Variants in PKD1 observed in about 807,000 individuals in gnomAD.
PKD1 encodes the protein polycystin 1, transient receptor potential channel interacting, also known as polycystin-1.
PKD1 carries 81 observed loss-of-function variants against 361.7 expected under a neutral mutation model. The observed-to-expected ratio is 0.22, with a 90% CI of 0.19 to 0.27. PKD1 has a LOEUF of 0.27. PKD1 is among the 10% of genes least tolerant of loss of function. The pLI is 1.00. For synonymous variants in PKD1, 3,615 were observed against 2,818.3 expected (o/e 1.28, Z -8.95); for missense variants, 6,399 against 6,118.3 (o/e 1.05, Z -1.53).
intron 34 of PKD1, among the ~76,000 whole-genome samples, 198 bp from the exon 35 acceptor site, chr16:2,094,408 G>A (rs1006188189): frequency 2.0e-5 from 3 of 152,210 alleles, no homozygotes; most frequent in African/African-American, 4.8e-5. Context: ...TCCAGGCACC[G>A]AAGTCAGGCG....
In PKD1 at chr16:2,090,968, G is replaced by T; in HGVS notation, c.11919C>A (p.Arg3973=). The T allele has an allele frequency of 6.5e-7, 1 of 1,543,018 alleles. No individual in the cohort carries two copies. Among genetic ancestry groups the T allele is most frequent in the Non-Finnish European group, 8.7e-7 (1 of 1,150,480 alleles). Residue 3973 remains arginine, a synonymous_variant, in exon 43 of 46, where the codon CGC becomes CGA. Transcript: ENST00000262304. The stretch of plus-strand genomic sequence containing the variant: ...GCGCCACCTGGTCGAAGCTAGTGAA[G>T]CGGCGCGGGCGGCCGCGCACGAAAC... ...WTRFVRGRPR[R]FTSFDQVAQL...
At position 2,092,595 on chromosome 16, in the gene PKD1, G is replaced by A. The variant is rs1397224761; in HGVS notation, c.11157-3C>T. 1.9e-6 allele frequency: 3 copies of A among 1,596,998 alleles called. No individual in the cohort carries two copies. Among genetic ancestry groups the A allele is most frequent in the African/African-American group, 1.3e-5 (1 of 74,626 alleles). ...TCCATGGCCAGAGCTCCTCAGACCT[G>A]CCACAGCATCAGTCACACGCTCCAG... On this transcript the variant is annotated splice_polypyrimidine_tract_variant and splice_region_variant and intron_variant, in intron 38 of 45. Coordinates refer to ENST00000262304, the MANE Select transcript of PKD1 (RefSeq NM_001009944.3).
intron 34 of PKD1, among the ~76,000 whole-genome samples, chr16:2,096,256 T>C (rs1402159062): frequency 6.6e-6 from 1 of 152,254 alleles, no homozygotes; most frequent in Non-Finnish European, 1.5e-5. Flanking sequence ...GTGTGGCCTG[T>C]GGCTCCGGGG....
rs1257443995 is a variant in PKD1 at position 2,115,536 on chromosome 16, A to C, written c.1939T>G (p.Cys647Gly). 1 of 1,591,460 alleles carries C rather than the reference A, an allele frequency of 6.3e-7. No homozygotes were observed. Among genetic ancestry groups the C allele is most frequent in the Non-Finnish European group, 8.6e-7 (1 of 1,167,754 alleles). The change falls in exon 10 of 46, where the codon TGC becomes GGC. Residue 647 changes from cysteine to glycine, a missense_variant. Coordinates refer to ENST00000262304, the MANE Select transcript of PKD1 (RefSeq NM_001009944.3). ...APACMPGGRW[C>G]PGANICLPLD... ...GGCAAGCAGATGTTGGCTCCAGGGC[A>C]CCAGCGTCCCCCTGGCATGCACGCG...
chr16:2,093,721 C>T lies in PKD1; in HGVS notation c.10839G>A (p.Leu3613=), dbSNP rs368854514. Residue 3613 remains leucine, a synonymous_variant, in exon 37 of 46, where the codon CTG becomes CTA. Coordinates refer to ENST00000262304, the MANE Select transcript of PKD1 (RefSeq NM_001009944.3). ...WEPLKVLLEA[L]YFSLVAKRLH... ...GCCGCTTGGCCACCAGTGAGAAGTA[C>T]AGGGCTTCCAGCAAGACCTGGGGAG... The T allele has an allele frequency of 2.5e-6, 4 of 1,588,910 alleles. No homozygotes were observed. In the South Asian group the frequency reaches 4.5e-5, roughly 18 times the overall value.
In PKD1 at chr16:2,093,639, C is replaced by T. The variant is rs751281167; in HGVS notation, c.10921G>A (p.Ala3641Thr). The change falls in exon 37 of 46, where the codon GCA (alanine) becomes ACA (threonine). Residue 3641 changes from alanine to threonine, a missense_variant. Transcript: ENST00000262304. ...VESPAVTPVS[A>T]RVPRVRPPHG... ...GGTGGCCGTACGCGGGGCACACGTG[C>T]GCTCACAGGCGTCACAGCCGGGCTC... is the stretch of plus-strand genomic sequence containing the variant. 2.4e-5 allele frequency: 39 copies of T among 1,609,102 alleles called. 1 individual carries two copies. In the South Asian group the frequency reaches 3.1e-4, roughly 13 times the overall value.
In PKD1 at chr16:2,106,922, G is replaced by A. The variant is rs553952931; in HGVS notation, c.7092C>T (p.Pro2364=). 6 of 1,575,752 alleles carry A rather than the reference G, an allele frequency of 3.8e-6. 1 individual carries two copies. The Admixed American group carries it at 6.7e-5, about 18-fold the overall frequency. The part of the protein sequence containing the change: ...QTVLIRSGRV[P]IVSLECVSCK... Reference sequence around the variant, plus strand: ...AGGACACACACTCCAAGGACACAATGGGCACCCGGCCACTCCGGATCAGCA... The same window carrying A: ...AGGACACACACTCCAAGGACACAATAGGCACCCGGCCACTCCGGATCAGCA... Residue 2364 remains proline (P), a synonymous_variant, in exon 17 of 46, where the codon CCC becomes CCT. Coordinates refer to ENST00000262304, the MANE Select transcript of PKD1 (RefSeq NM_001009944.3). This position sits in a 1 kb window ranked among gnomAD's most constrained non-coding sequence, Gnocchi z 6.5.
chr16:2,127,882 G>A (rs924300972), intron 1 of PKD1, among the ~76,000 whole-genome samples: 1 of 142,914 alleles, frequency 7.0e-6, no homozygotes, highest in African/African-American at 2.6e-5. Context: ...CTAGAGAGAA[G>A]GGACACAGCA....
At position 2,112,830 on chromosome 16, in the gene PKD1, G is replaced by A. The variant is rs770922229; in HGVS notation, c.3119C>T (p.Thr1040Met). The A allele has an allele frequency of 6.9e-6, 11 of 1,602,364 alleles. No homozygotes were observed. Among genetic ancestry groups the A allele is most frequent in the East Asian group, 2.2e-5 (1 of 44,898 alleles). Residue 1040 changes from threonine (T) to methionine (M), a missense_variant, in exon 13 of 46, where the codon ACG becomes ATG. Thr to Met is a moderately conservative substitution (Grantham distance 81, BLOSUM62 -1). Transcript: ENST00000262304. The part of the protein sequence containing the change: ...VLSPNATLAL[T>M]AGVLVDSAVE... Reference sequence around the variant, plus strand: ...GGCCGAGTCCACCAGCACGCCCGCCGTCAGTGCTAGCGTGGCATTGGGGGA... The same window carrying A: ...GGCCGAGTCCACCAGCACGCCCGCCATCAGTGCTAGCGTGGCATTGGGGGA...
In PKD1 at chr16:2,102,394, C is replaced by T. The variant is rs377696977; in HGVS notation, c.9188G>A (p.Arg3063His). 4.5e-5 allele frequency: 70 copies of T among 1,558,430 alleles called. No individual in the cohort carries two copies. In the African/African-American group the frequency reaches 6.7e-4, roughly 15 times the overall value. Residue 3063 changes from arginine (R) to histidine (H), a missense_variant, in exon 25 of 46, where the codon CGC (arginine) becomes CAC (histidine). Arg to His is a conservative substitution (Grantham distance 29). Coordinates refer to ENST00000262304, the MANE Select transcript of PKD1 (RefSeq NM_001009944.3). ...ASLFVPPSHV[R>H]FVFPEPTADV... ...AGGGTCACTCACAGGAAACACAAAG[C>T]GGACATGGCTTGGGGGCACGAAGAG...
chr16:2,123,049 A>C lies in PKD1; in HGVS notation c.216-3671T>G, dbSNP rs2092746740. The stretch of plus-strand genomic sequence containing the variant: ...AGGGGTGGGGGCAGGTCAGCCGAGG[A>C]CCCCAGAGCCCCCCGGCTCCCCGCC... On this transcript the variant is annotated intron_variant, in intron 1 of 45. Transcript: ENST00000262304. Among the ~76,000 whole-genome samples, 3 of 152,132 alleles carry C rather than the reference A, an allele frequency of 2.0e-5. No individual in the cohort carries two copies. In the South Asian group the frequency reaches 6.2e-4, roughly 31 times the overall value.
In PKD1 at chr16:2,103,385, G is replaced by A. The variant is rs1224486650; in HGVS notation, c.8672C>T (p.Ala2891Val). The change falls in exon 23 of 46, where the codon GCC (alanine) becomes GTC (valine). Residue 2891 changes from alanine to valine, a missense_variant. Ala to Val is a moderately conservative substitution (Grantham distance 64). Coordinates refer to ENST00000262304, the MANE Select transcript of PKD1 (RefSeq NM_001009944.3). ...DWAARGHRSS[A>V]NSANSVVVQP... is the part of the protein sequence containing the mutation. ...GACCACAACGGAGTTGGCGGAGTTG[G>A]CGGAGCTGCGGTGGCCCCGGGCAGC... The A allele has an allele frequency of 1.9e-6, 3 of 1,600,290 alleles. No individual in the cohort carries two copies. The highest frequency in any genetic ancestry group is 2.5e-6 in the Non-Finnish European group (3 of 1,179,500).
Position 2,112,367 on chromosome 16 carries a change from T to C in PKD1, c.3268A>G (p.Asn1090Asp), listed in dbSNP as rs992654901. 1.3e-6 allele frequency: 2 copies of C among 1,587,170 alleles called. No homozygotes were observed. The highest frequency in any genetic ancestry group is 1.1e-5 in the South Asian group (1 of 90,394). The change falls in exon 14 of 46, where the codon AAT (asparagine) becomes GAT (aspartate). Residue 1090 changes from asparagine to aspartate, a missense_variant. Coordinates refer to ENST00000262304, the MANE Select transcript of PKD1 (RefSeq NM_001009944.3). The part of the protein sequence containing the change: ...PSVAQVLVEH[N>D]VMHTYAAPGE... ...GGGGCAGCGTAGGTGTGCATGACATTGTGCTCCACCAGCACCTGGGCCACC... is the reference window on the plus strand; with the variant it reads ...GGGGCAGCGTAGGTGTGCATGACATCGTGCTCCACCAGCACCTGGGCCACC...
Position 2,135,329 on chromosome 16 carries a change from T to A in PKD1, c.215+146A>T, listed in dbSNP as rs556258553. 1.6e-3 allele frequency: 1,749 copies of A among 1,077,002 alleles called. 26 individuals are homozygous for A. In the African/African-American group the frequency reaches 0.028, roughly 17 times the overall value. 66.7% of individuals were successfully genotyped at this position (1,077,002 alleles called of 1,614,324 possible). A position where few individuals can be genotyped will look rare whatever the true frequency, so the allele number is the denominator to read the frequency against. ...TGCCAACCGCGGCTCCAGGCGTTCCTTATTTAGCAGGGCCGCCGTGCCGCG... is the reference window on the plus strand; with the variant it reads ...TGCCAACCGCGGCTCCAGGCGTTCCATATTTAGCAGGGCCGCCGTGCCGCG... On this transcript the variant is annotated intron_variant, in intron 1 of 45. Transcript: ENST00000262304.
chr16:2,104,666 G>A (rs959069283), intron 21 of PKD1, 24 bp from the exon 22 acceptor site: 1 of 1,399,938 alleles, frequency 7.1e-7, no homozygotes, highest in African/African-American at 1.5e-5. Context: ...GCAGTGTCCA[G>A]CCCCGCTCCT....
intron 34 of PKD1, among the ~76,000 whole-genome samples, chr16:2,094,502 A>G (rs2091760359): frequency 6.6e-6 from 1 of 152,218 alleles, no homozygotes; most frequent in Non-Finnish European, 1.5e-5. Context: ...AGCAGTGCAC[A>G]GTCTCTCAGG....
In PKD1 at chr16:2,090,396, G is replaced by A. The variant is rs946969432; in HGVS notation, c.12333C>T (p.His4111=). Residue 4111 remains histidine, a synonymous_variant, in exon 45 of 46, where the codon CAC becomes CAT. Coordinates refer to ENST00000262304, the MANE Select transcript of PKD1 (RefSeq NM_001009944.3). Reference sequence around the variant, plus strand: ...GCCGGTACAGCTCTCCACGCAAGGCGTGGTAGCGCCAGCGGAGAATAACAG... The same window carrying A: ...GCCGGTACAGCTCTCCACGCAAGGCATGGTAGCGCCAGCGGAGAATAACAG... ...LGAVILRWRY[H]ALRGELYRPA... is the part of the protein sequence containing the mutation. The A allele has an allele frequency of 5.6e-6, 9 of 1,612,566 alleles. No homozygotes were observed. The highest frequency in any genetic ancestry group is 2.2e-5 in the East Asian group (1 of 44,886).
chr16:2,094,988 C>CT (rs1385298112), intron 34 of PKD1: 2 of 152,238 alleles, frequency 1.3e-5, no homozygotes, highest in Non-Finnish European at 2.9e-5. Flanking sequence ...ATAAAAGACA[C>CT]TCTTGGCTGG....
chr16:2,116,333 C>G (rs1186130661), intron 8 of PKD1, among the ~76,000 whole-genome samples, 196 bp downstream of exon 8: 1 of 152,206 alleles, frequency 6.6e-6, no homozygotes, highest in Non-Finnish European at 1.5e-5. Flanking sequence ...AACTCACACA[C>G]GCTCAGAGAA....
Sources: gnomAD v4.1 joint callset for allele counts (sites outside exome capture counted in the v4.1 genomes callset) on GRCh38, gnomAD v4.1.1 for gene constraint, Gnocchi (gnomAD v3.1) non-coding constraint, MANE v1.5 for transcripts, NCBI Gene and HGNC (gene_info 2026-07-23, HGNC 2026-07-21) for gene names.